The following NAV2 variants were observed in gnomAD, a reference collection of about 807,000 sequenced individuals.
The protein encoded by NAV2 is neuron navigator 2, also known as helicase, APC down-regulated 1.
A neutral mutation model predicts 223.2 loss-of-function variants in NAV2; 54 were observed. The ratio of observed to expected loss-of-function variants is 0.24; its 90% CI spans 0.19 to 0.30. The LOEUF is 0.30. Among genes scored for constraint, NAV2 ranks in the 10% least tolerant of loss-of-function variants. The probability of loss-of-function intolerance (pLI) is 1.00; values close to 1 mark genes in which losing one functional copy is unlikely to be tolerated. For missense variants in NAV2, 2,806 were observed against 3,147.5 expected, an observed-to-expected ratio of 0.89 and a Z score of 2.60; for synonymous variants, 1,279 against 1,239.3, an observed-to-expected ratio of 1.03 and a Z score of -0.67.
chr11:19,490,309 AG>A (rs2042582906), intron 1 of NAV2, among the ~76,000 whole-genome samples: 1 of 152,200 alleles, frequency 6.6e-6, no homozygotes, highest in South Asian at 2.1e-4. Flanking sequence ...CTTTCACAAA[AG>A]ATTTCTCTGT....
intron 1 of NAV2, among the ~76,000 whole-genome samples, chr11:19,728,554 C>T (rs723978): frequency 0.084 from 12,749 of 152,222 alleles, 603 homozygotes; most frequent in Non-Finnish European, 0.097. Context: ...GCTCTGTCCA[C>T]GTACAGCAGC....
At chr11:19,820,496 G>A (rs1039613378) in intron 1 of NAV2, among the ~76,000 whole-genome samples, 1 of 152,194 alleles carries the variant, frequency 6.6e-6, no homozygotes, top group African/African-American at 2.4e-5. Context: ...ACTCAATTTT[G>A]TTCTGAAGTG....
intron 1 of NAV2, among the ~76,000 whole-genome samples, chr11:19,595,315 A>T (rs1250769676): frequency 6.6e-6 from 1 of 152,198 alleles, no homozygotes; most frequent in African/African-American, 2.4e-5. Flanking sequence ...TGGCACATAC[A>T]AGGAACTGAA....
chr11:20,045,404 C>G lies in NAV2; in HGVS notation c.3636C>G (p.Ser1212Arg), dbSNP rs777013813. Residue 1212 changes from serine to arginine, a missense_variant, in exon 14 of 38, where the codon AGC becomes AGG. Physicochemically the swap from Ser to Arg is moderately radical, Grantham distance 110. Coordinates refer to ENST00000349880, the MANE Select transcript of NAV2 (RefSeq NM_145117.5). ...GGGCTGGGAACAGGTCTAGCACCAG[C>G]AGCATAGATTCCAACATTAGCAGCA... ...RNGAGNRSST[S>R]SIDSNISSKS... 1 of 1,614,160 alleles carries G rather than the reference C, an allele frequency of 6.2e-7. No homozygotes were observed. The highest frequency in any genetic ancestry group is 8.5e-7 in the Non-Finnish European group (1 of 1,180,024).
chr11:19,460,468 AGTT>A (rs1852114513), intron 1 of NAV2, among the ~76,000 whole-genome samples: 1 of 152,106 alleles, frequency 6.6e-6, no homozygotes, highest in Non-Finnish European at 1.5e-5. Flanking sequence ...CCCAAATAGT[AGTT>A]ATTAGATTTC....
intron 1 of NAV2, among the ~76,000 whole-genome samples, chr11:19,399,766 G>A (rs577541263): frequency 2.0e-5 from 3 of 152,346 alleles, no homozygotes; most frequent in South Asian, 2.1e-4. Flanking sequence ...GATTGAAACT[G>A]GGTAGGTCTG....
intron 36 of NAV2, among the ~76,000 whole-genome samples, chr11:20,111,314 C>A (rs1269074220): frequency 1.3e-5 from 2 of 152,320 alleles, no homozygotes; most frequent in South Asian, 2.1e-4. Context: ...CTTCTCCTGC[C>A]TTAGGGAAAG....
intron 1 of NAV2, among the ~76,000 whole-genome samples, chr11:19,481,527 G>A (rs1353387659): frequency 6.6e-6 from 1 of 152,148 alleles, no homozygotes; most frequent in Non-Finnish European, 1.5e-5. Flanking sequence ...TTATTAATTG[G>A]GTGTTGCAGG....
intron 3 of NAV2, among the ~76,000 whole-genome samples, chr11:19,853,181 T>C (rs1015996385): frequency 6.6e-6 from 1 of 152,196 alleles, no homozygotes; most frequent in African/African-American, 2.4e-5. Context: ...GGAATTTGCA[T>C]TTTTGACAGT....
intron 1 of NAV2, among the ~76,000 whole-genome samples, chr11:19,358,593 T>G (rs1853754330): frequency 6.6e-6 from 1 of 152,180 alleles, no homozygotes; most frequent in Non-Finnish European, 1.5e-5. Flanking sequence ...AATCAGGATG[T>G]TGGTTACAAA....
chr11:19,679,247 A>G (rs1332677682), intron 1 of NAV2, among the ~76,000 whole-genome samples: 1 of 152,038 alleles, frequency 6.6e-6, no homozygotes, highest in African/African-American at 2.4e-5. Context: ...CCTGGCCAAT[A>G]TGGTGAAACC....
At chr11:20,092,399 A>G (rs780378659) in intron 28 of NAV2, 31 bp downstream of exon 28, 6 of 1,592,108 alleles carry the variant, frequency 3.8e-6, no homozygotes, top group Non-Finnish European at 5.2e-6. Context: ...GGGGGCAGGA[A>G]TGGACCTACA....
intron 11 of NAV2, among the ~76,000 whole-genome samples, chr11:20,028,765 TG>T (rs2055369628): frequency 6.6e-6 from 1 of 152,130 alleles, no homozygotes; most frequent in Non-Finnish European, 1.5e-5. Flanking sequence ...CTGGCATATT[TG>T]GTAACGCTGT....
intron 1 of NAV2, among the ~76,000 whole-genome samples, chr11:19,620,959 T>G (rs1263061039): frequency 6.6e-6 from 1 of 152,200 alleles, no homozygotes; most frequent in Non-Finnish European, 1.5e-5. Context: ...TATTGAGAGT[T>G]TTTAGCATGA....
chr11:19,502,049 A>G (rs982535745), intron 1 of NAV2, among the ~76,000 whole-genome samples: 2 of 152,226 alleles, frequency 1.3e-5, no homozygotes, highest in African/African-American at 2.4e-5. Context: ...GGTGGAAGCC[A>G]TACGAGGCAC....
intron 1 of NAV2, among the ~76,000 whole-genome samples, chr11:19,606,350 A>G (rs1487211): frequency 0.73 from 111,645 of 152,232 alleles, 48,577 homozygotes; most frequent in Non-Finnish European, 0.96. Flanking sequence ...TAAATGTTAC[A>G]CTACTCATTT....
intron 1 of NAV2, among the ~76,000 whole-genome samples, chr11:19,764,236 A>G (rs752027271): frequency 3.3e-5 from 5 of 152,226 alleles, no homozygotes; most frequent in Non-Finnish European, 7.3e-5. Context: ...TTTAACTGAT[A>G]TTTTAACTGA....
Position 20,097,765 on chromosome 11 carries a change from A to C in NAV2, c.6181+20A>C, listed in dbSNP as rs2061374775. 6.4e-7 allele frequency: 1 copy of C among 1,555,482 alleles called. No homozygotes were observed. The highest frequency in any genetic ancestry group is 1.4e-5 in the African/African-American group (1 of 72,666). On this transcript the variant is annotated intron_variant, in intron 31 of 37. Coordinates refer to ENST00000349880, the MANE Select transcript of NAV2 (RefSeq NM_145117.5). ...TGAAAGGTAATTGAGCTTGTTGCAG[A>C]AGTCGGAGCTTTCAGGAATTGCAGT...
At chr11:19,724,396 A>C (rs1200524497) in intron 1 of NAV2, among the ~76,000 whole-genome samples, 1 of 152,122 alleles carries the variant, frequency 6.6e-6, no homozygotes, top group Non-Finnish European at 1.5e-5. Flanking sequence ...TCTGTCACCT[A>C]GGCTGGAGTG....
Sources: gnomAD v4.1 joint callset for allele counts (sites outside exome capture counted in the v4.1 genomes callset) on GRCh38, gnomAD v4.1.1 for gene constraint, MANE v1.5 for transcripts, NCBI Gene and HGNC (gene_info 2026-07-23, HGNC 2026-07-21) for gene names.